The following ATXN1 variants were observed in gnomAD, a reference collection of about 807,000 sequenced individuals.
The protein encoded by ATXN1 is ataxin 1.
ATXN1 carries 8 observed loss-of-function variants against 56.4 expected under a neutral mutation model. That is an observed-to-expected ratio of 0.14 (90% CI 0.08 to 0.26). The LOEUF (loss-of-function observed/expected upper bound fraction) is 0.26. Among genes scored for constraint, ATXN1 ranks in the 10% least tolerant of loss-of-function variants. ATXN1 has a pLI of 1.00. For missense variants in ATXN1, 987 were observed against 1,106.5 expected (o/e 0.89, Z 1.53); for synonymous variants, 514 against 494.6 (o/e 1.04, Z -0.52).
chr6:16,704,392 AG>A (rs1405576980), intron 2 of ATXN1, among the ~76,000 whole-genome samples: 2 of 152,174 alleles, frequency 1.3e-5, no homozygotes, highest in African/African-American at 4.8e-5. Context: ...CACTACTAAC[AG>A]CTCCTGCGAG....
intron 3 of ATXN1, among the ~76,000 whole-genome samples, chr6:16,596,294 C>A (rs1389286059): frequency 6.6e-6 from 1 of 152,288 alleles, no homozygotes; most frequent in East Asian, 1.9e-4. Flanking sequence ...CGTGCCCAGC[C>A]TCAGACCTCC....
rs1346222123 is a variant in ATXN1 at position 16,545,282 on chromosome 6, A to G, written c.-360-22594T>C. 2.0e-5 allele frequency among the ~76,000 whole-genome samples: 3 copies of G among 152,222 alleles called. No homozygotes were observed. The East Asian group carries it at 5.8e-4, about 29-fold the overall frequency. ...AATAGGAGATGAATGAATTCTCCTT[A>G]AATGACCTTAATATGTTCAAGTAGC... On this transcript the variant is annotated intron_variant, in intron 4 of 7. Transcript: ENST00000436367.
In ATXN1 at chr6:16,526,064, T is replaced by TATACAC. The variant is rs370698828; in HGVS notation, c.-360-3377_-360-3376insGTGTAT. On this transcript the variant is annotated intron_variant, in intron 4 of 7. Transcript: ENST00000436367. The stretch of plus-strand genomic sequence containing the variant: ...ATCTATATATATATATATATATATA[T>TATACAC]ACATACATACAATCTATTTATAATG... Among the ~76,000 whole-genome samples, 69 of 133,272 alleles carry TATACAC rather than the reference T, an allele frequency of 5.2e-4. 1 individual carries two copies. Among genetic ancestry groups the TATACAC allele is most frequent in the African/African-American group, 1.7e-3 (55 of 32,534 alleles). The allele number at this position is 133,272 out of a possible 152,430, so 87.4% of individuals were successfully genotyped here.
intron 2 of ATXN1, among the ~76,000 whole-genome samples, chr6:16,681,252 C>T (rs1029675812): frequency 7.9e-5 from 12 of 152,188 alleles, no homozygotes; most frequent in Admixed American, 7.9e-4. Flanking sequence ...CAACAATGCC[C>T]CTGAAGTAAA....
chr6:16,683,135 T>G (rs1758848920), intron 2 of ATXN1, among the ~76,000 whole-genome samples: 1 of 152,246 alleles, frequency 6.6e-6, no homozygotes, highest in African/African-American at 2.4e-5. Flanking sequence ...AAATAGTTAT[T>G]TACCAAAGAA....
At chr6:16,603,962 C>G (rs1378405569) in intron 3 of ATXN1, among the ~76,000 whole-genome samples, 1 of 152,052 alleles carries the variant, frequency 6.6e-6, no homozygotes, top group East Asian at 1.9e-4. Flanking sequence ...TGGGTCTCTA[C>G]CAGGATTTTC....
At chr6:16,528,363 C>T (rs565492947) in intron 4 of ATXN1, among the ~76,000 whole-genome samples, 1 of 152,036 alleles carries the variant, frequency 6.6e-6, no homozygotes, top group Non-Finnish European at 1.5e-5. Context: ...GCTCCATATC[C>T]TCTGAAGGTA....
At chr6:16,353,279 G>C (rs1761609516) in intron 6 of ATXN1, among the ~76,000 whole-genome samples, 1 of 152,206 alleles carries the variant, frequency 6.6e-6, no homozygotes, top group Non-Finnish European at 1.5e-5. Flanking sequence ...CGAGGTCTAT[G>C]ACAGAAATGT....
At chr6:16,626,814 T>A (rs918624563) in intron 3 of ATXN1, among the ~76,000 whole-genome samples, 3 of 152,138 alleles carry the variant, frequency 2.0e-5, no homozygotes, top group Non-Finnish European at 4.4e-5. Flanking sequence ...ACTGGTGTCC[T>A]TGTAACAGGA....
chr6:16,714,091 G>T (rs1422124803), intron 2 of ATXN1, among the ~76,000 whole-genome samples: 1 of 151,398 alleles, frequency 6.6e-6, no homozygotes, highest in Non-Finnish European at 1.5e-5. Context: ...GGAGGCGGAG[G>T]TTGCAGTGAG....
intron 2 of ATXN1, among the ~76,000 whole-genome samples, chr6:16,680,612 G>A (rs1758793960): frequency 1.3e-5 from 2 of 152,110 alleles, no homozygotes; most frequent in Admixed American, 6.5e-5. Context: ...GAAAACAAGG[G>A]AAACCAGTTA....
chr6:16,543,018 G>A (rs1010936602), intron 4 of ATXN1, among the ~76,000 whole-genome samples: 1 of 151,986 alleles, frequency 6.6e-6, no homozygotes, highest in Non-Finnish European at 1.5e-5. Flanking sequence ...GGGGGTGGGG[G>A]GAACTACTGT....
At chr6:16,634,561 A>G (rs1763560776) in intron 3 of ATXN1, among the ~76,000 whole-genome samples, 1 of 152,188 alleles carries the variant, frequency 6.6e-6, no homozygotes, top group Non-Finnish European at 1.5e-5. Flanking sequence ...CCCTGTGTAC[A>G]TTAGCAGTCA....
chr6:16,730,487 G>GTGTGTGTATATA (rs141836403), intron 2 of ATXN1, among the ~76,000 whole-genome samples: 1 of 132,060 alleles, frequency 7.6e-6, no homozygotes, highest in South Asian at 2.5e-4. Context: ...AAAACAGTAT[G>GTGTGTGTATATA]TATATATATA....
intron 5 of ATXN1, among the ~76,000 whole-genome samples, chr6:16,505,047 T>C (rs1159600061): frequency 6.6e-5 from 10 of 150,680 alleles, no homozygotes. Context: ...ACTGGGATCA[T>C]GGCTACTGCC....
At chr6:16,455,442 A>G (rs1359893233) in intron 6 of ATXN1, among the ~76,000 whole-genome samples, 3 of 152,256 alleles carry the variant, frequency 2.0e-5, no homozygotes, top group Non-Finnish European at 4.4e-5. Flanking sequence ...ATGCAGAGCC[A>G]TAGGAACTCT....
At chr6:16,730,507 A>ATATATATATATATATATATATATATAT (rs1759950843) in intron 2 of ATXN1, among the ~76,000 whole-genome samples, 4 of 146,162 alleles carry the variant, frequency 2.7e-5, no homozygotes, top group Non-Finnish European at 4.5e-5. Flanking sequence ...ATATATATAT[A>ATATATATATATATATATATATATATAT]AATGTATTTA....
chr6:16,358,274 T>C (rs770447924), intron 6 of ATXN1, among the ~76,000 whole-genome samples: 2 of 152,170 alleles, frequency 1.3e-5, no homozygotes, highest in Non-Finnish European at 2.9e-5. Context: ...GAACTTAAAG[T>C]AGAACTACCA....
At chr6:16,592,718 C>T (rs1762744570) in intron 3 of ATXN1, among the ~76,000 whole-genome samples, 1 of 151,962 alleles carries the variant, frequency 6.6e-6, no homozygotes. Context: ...AAGAATGGAG[C>T]CGCTAACCTT....
Sources: gnomAD v4.1 joint callset for allele counts (sites outside exome capture counted in the v4.1 genomes callset) on GRCh38, gnomAD v4.1.1 for gene constraint, MANE v1.5 for transcripts, NCBI Gene and HGNC (gene_info 2026-07-23, HGNC 2026-07-21) for gene names.